The following MAN2C1 variants were observed in gnomAD, a reference collection of about 807,000 sequenced individuals.
MAN2C1 encodes the protein alpha-mannosidase 2C1.
Under a neutral mutation model 126.9 loss-of-function variants are expected in MAN2C1, and 111 were observed. The ratio of observed to expected loss-of-function variants is 0.87; its 90% CI spans 0.75 to 1.02. MAN2C1 has a LOEUF of 1.02. MAN2C1 is among the 50% of genes least tolerant of loss of function. The probability of loss-of-function intolerance (pLI) is 0.00; values close to 1 mark genes in which losing one functional copy is unlikely to be tolerated. For missense variants in MAN2C1, 1,363 were observed against 1,364.4 expected (o/e 1.00, Z 0.02); for synonymous variants, 567 against 561.5 (o/e 1.01, Z -0.14).
Position 75,361,270 on chromosome 15 carries a change from C to G in MAN2C1, c.1314+16G>C. ...TCCAGCCTGCCCCTACCCCACCACC[C>G]TAGGTGACCCCTCACCTCCTCCACG... On this transcript the variant is annotated intron_variant, in intron 11 of 25. Coordinates refer to ENST00000267978, the MANE Select transcript of MAN2C1 (RefSeq NM_006715.4). The surrounding 1 kb of genome is among the most constrained non-coding windows in gnomAD (Gnocchi z 5.0). The G allele has an allele frequency of 1.3e-6, 2 of 1,575,726 alleles. No individual in the cohort carries two copies. The highest frequency in any genetic ancestry group is 2.3e-5 in the South Asian group (2 of 86,350).
chr15:75,356,424 GA>G lies in MAN2C1; in HGVS notation c.2762del (p.Ile921ThrfsTer7), dbSNP rs893683586. 7 of 1,606,378 alleles carry G rather than the reference GA, an allele frequency of 4.4e-6. No homozygotes were observed. The highest frequency in any genetic ancestry group is 5.9e-6 in the Non-Finnish European group (7 of 1,177,144). On this transcript the variant is annotated frameshift_variant, in exon 24 of 26. Transcript: ENST00000267978. LOFTEE classifies it high-confidence loss of function. This position sits in a 1 kb window ranked among gnomAD's most constrained non-coding sequence, Gnocchi z 5.8. The part of the protein sequence containing the change: ...HKGSFQDAGV[I>X]QAAYSLNFPL... ...GGAAGTTTAGGCTGTAGGCAGCTTG[GA>G]TAACGCCAGCATCCTGGAAAGAGCC...
In MAN2C1 at chr15:75,360,546, C is replaced by G; in HGVS notation, c.1584+19G>C. 1 of 1,612,674 alleles carries G rather than the reference C, an allele frequency of 6.2e-7. No individual in the cohort carries two copies. The highest frequency in any genetic ancestry group is 2.2e-5 in the East Asian group (1 of 44,874). ...CAAGGGCACACCCTCCCTGCACAGC[C>G]CTGCAACCTCCCCCTGACCTGGGCA... On this transcript the variant is annotated intron_variant, in intron 13 of 25. Coordinates refer to ENST00000267978, the MANE Select transcript of MAN2C1 (RefSeq NM_006715.4).
intron 3 of MAN2C1, among the ~76,000 whole-genome samples, 174 bp downstream of exon 3, chr15:75,367,337 T>C (rs2072594997): frequency 6.6e-6 from 1 of 152,192 alleles, no homozygotes; most frequent in South Asian, 2.1e-4. Context: ...CAATAAAAAC[T>C]AAGGACCAAT....
At chr15:75,358,840 C>T in intron 18 of MAN2C1, 32 bp from the exon 19 acceptor site, 1 of 1,559,262 alleles carries the variant, frequency 6.4e-7, no homozygotes, top group Non-Finnish European at 8.8e-7. Context: ...GCTGTACAAC[C>T]AACTGACCTC....
chr15:75,360,498 G>A, intron 13 of MAN2C1, 67 bp downstream of exon 13: 1 of 1,589,424 alleles, frequency 6.3e-7, no homozygotes, highest in East Asian at 2.3e-5. Context: ...GTCCCCTGCT[G>A]CCTTCTCTGA....
chr15:75,367,409 G>T, intron 3 of MAN2C1, 102 bp downstream of exon 3: 1 of 1,464,760 alleles, frequency 6.8e-7, no homozygotes. Flanking sequence ...CCTGTGGGCA[G>T]AGCAACTCAG....
At chr15:75,367,799 G>T in intron 2 of MAN2C1, 165 bp from the exon 3 acceptor site, 1 of 964,276 alleles carries the variant, frequency 1.0e-6, no homozygotes. Context: ...GAAGCAAGAT[G>T]AGGGAAACAG....
At chr15:75,366,403 T>G in intron 4 of MAN2C1, 119 bp downstream of exon 4, 2 of 778,692 alleles carry the variant, frequency 2.6e-6, no homozygotes, top group Non-Finnish European at 4.2e-6. Context: ...CAATGAGATG[T>G]GAGGATGATT....
intron 4 of MAN2C1, 71 bp downstream of exon 4, chr15:75,366,451 G>GCCT: frequency 7.6e-7 from 1 of 1,314,716 alleles, no homozygotes; most frequent in Admixed American, 1.8e-5. Flanking sequence ...ATCACTCTGG[G>GCCT]CCTCAGCTCC....
At position 75,360,323 on chromosome 15, in the gene MAN2C1, A is replaced by G. The variant is rs2072441004; in HGVS notation, c.1585-112T>C. 2.0e-6 allele frequency: 3 copies of G among 1,474,554 alleles called. No homozygotes were observed. The African/African-American group carries it at 4.2e-5, about 20-fold the overall frequency. 91.3% of individuals were successfully genotyped at this position (1,474,554 alleles called of 1,614,324 possible). ...AGGACTCACCAAGGGCCTCGTGGAG[A>G]AGGCCTCTGGCGGGTGACCTGCCTT... is the stretch of plus-strand genomic sequence containing the variant. On this transcript the variant is annotated intron_variant, in intron 13 of 25. Transcript: ENST00000267978.
rs148467582 is a variant in MAN2C1 at position 75,358,563 on chromosome 15, G to A, written c.2302C>T (p.Arg768Trp). The stretch of plus-strand genomic sequence containing the variant: ...TGTAGCAAGAACCAGGCGCTGCCCC[G>A]CAGGCCGCCCTCGGTGCCCACTGCC... Reference protein sequence around the residue: ...TLAVGTEGGLRGSAWFLLQIS... With the variant: ...TLAVGTEGGLWGSAWFLLQIS... The change falls in exon 20 of 26, where the codon CGG (arginine) becomes TGG (tryptophan). Residue 768 changes from arginine to tryptophan, a missense_variant. By Grantham distance (101) the Arg-to-Trp change is moderately radical. Around this residue, in one of 3 missense-constraint regions of MAN2C1, gnomAD observed 668 missense variants for 650.1 expected, o/e 1.03. Transcript: ENST00000267978. The A allele has an allele frequency of 1.2e-4, 194 of 1,613,388 alleles. No individual in the cohort carries two copies. Among genetic ancestry groups the A allele is most frequent in the Non-Finnish European group, 1.6e-4 (184 of 1,180,012 alleles).
rs1567290067 is a variant in MAN2C1 at position 75,368,082 on chromosome 15, A to C, written c.218T>G (p.Phe73Cys). 1 of 1,607,250 alleles carries C rather than the reference A, an allele frequency of 6.2e-7. No homozygotes were observed. The highest frequency in any genetic ancestry group is 8.5e-7 in the Non-Finnish European group (1 of 1,177,928). ...GCTGGGCGTTACCTACGTGGGTCCG[A>C]AGCTGTCGCCGACCTGCGCGGGGCG... ...DFRPAQVGDS[F>C]GPTWWTCWFR... The change falls in exon 2 of 26, where the codon TTC becomes TGC. Residue 73 changes from phenylalanine (F) to cysteine (C), a missense_variant. Physicochemically the swap from Phe to Cys is radical, Grantham distance 205. Coordinates refer to ENST00000267978, the MANE Select transcript of MAN2C1 (RefSeq NM_006715.4).
At position 75,362,955 on chromosome 15, in the gene MAN2C1, C is replaced by T. The variant is rs930677937; in HGVS notation, c.791-207G>A. ...AAAGGAGGCGGCAGTGCTATGAGGCCAATTATACAGGTCAGGAAATGGAGG... is the reference window on the plus strand; with the variant it reads ...AAAGGAGGCGGCAGTGCTATGAGGCTAATTATACAGGTCAGGAAATGGAGG... On this transcript the variant is annotated intron_variant, in intron 6 of 25. Coordinates refer to ENST00000267978, the MANE Select transcript of MAN2C1 (RefSeq NM_006715.4). The surrounding 1 kb of genome is among the most constrained non-coding windows in gnomAD (Gnocchi z 4.5). 9 of 572,008 alleles carry T rather than the reference C, an allele frequency of 1.6e-5. No individual in the cohort carries two copies. Among genetic ancestry groups the T allele is most frequent in the African/African-American group, 1.5e-4 (8 of 53,138 alleles). The allele number at this position is 572,008 out of a possible 1,614,324, so 35.4% of individuals were successfully genotyped here. A position where few individuals can be genotyped will look rare whatever the true frequency, so the allele number is the denominator to read the frequency against.
In MAN2C1 at chr15:75,361,445, C is replaced by A; in HGVS notation, c.1219-64G>T. On this transcript the variant is annotated intron_variant, in intron 10 of 25. Transcript: ENST00000267978. This position sits in a 1 kb window ranked among gnomAD's most constrained non-coding sequence, Gnocchi z 5.0. Reference sequence around the variant, plus strand: ...AGTCAGGGCTGAGGCAGAGCCAGGCCTTCCAGACTTGGTCCTGCCCCTGCC... The same window carrying A: ...AGTCAGGGCTGAGGCAGAGCCAGGCATTCCAGACTTGGTCCTGCCCCTGCC... The A allele has an allele frequency of 1.4e-6, 2 of 1,395,460 alleles. No individual in the cohort carries two copies. The highest frequency in any genetic ancestry group is 2.0e-6 in the Non-Finnish European group (2 of 990,210). 86.4% of individuals were successfully genotyped at this position (1,395,460 alleles called of 1,614,324 possible).
chr15:75,364,064 A>AAGAACCTGGAGGCC lies in MAN2C1; in HGVS notation c.711_724dup (p.Phe242TrpfsTer37), dbSNP rs760229762. 6.2e-7 allele frequency: 1 copy of AAGAACCTGGAGGCC among 1,614,146 alleles called. No homozygotes were observed. Among genetic ancestry groups the AAGAACCTGGAGGCC allele is most frequent in the South Asian group, 1.1e-5 (1 of 91,082 alleles). ...TTGGCTTTCACCCCCATGTTGGCCAAAGAACCTGGAGGCCAGGGCCTGGGC... is the reference window on the plus strand; with the variant it reads ...TTGGCTTTCACCCCCATGTTGGCCAAAGAACCTGGAGGCCAGAACCTGGAGGCCAGGGCCTGGGC... On this transcript the variant is annotated frameshift_variant, in exon 6 of 26. Coordinates refer to ENST00000267978, the MANE Select transcript of MAN2C1 (RefSeq NM_006715.4). LOFTEE classifies it high-confidence loss of function.
chr15:75,367,383 G>A, intron 3 of MAN2C1, 128 bp downstream of exon 3: 1 of 1,280,162 alleles, frequency 7.8e-7, no homozygotes, highest in Non-Finnish European at 1.1e-6. Context: ...CCCTAGTCCT[G>A]AAATCCTGAT....
At chr15:75,367,155 T>C (rs935985982) in intron 3 of MAN2C1, among the ~76,000 whole-genome samples, 8 of 151,844 alleles carry the variant, frequency 5.3e-5, no homozygotes, top group African/African-American at 1.9e-4. Context: ...AATTTGTAAA[T>C]GGGTATAAAG....
In MAN2C1 at chr15:75,361,368, A is replaced by T. The variant is rs2072465220; in HGVS notation, c.1232T>A (p.Phe411Tyr). The change falls in exon 11 of 26, where the codon TTC becomes TAC. Residue 411 changes from phenylalanine (F) to tyrosine (Y), a missense_variant. Physicochemically the swap from Phe to Tyr is conservative, Grantham distance 22. Transcript: ENST00000267978. The surrounding 1 kb of genome is among the most constrained non-coding windows in gnomAD (Gnocchi z 5.0). ...LVNSFPHHTFFWEGLDGSRVL... is the reference protein window; with the variant it reads ...LVNSFPHHTFYWEGLDGSRVL... ...ACGGGAGCCATCCAGGCCCTCCCAG[A>T]AAAATGTATGGTGCTACCAGCAGGG... 2 of 1,563,934 alleles carry T rather than the reference A, an allele frequency of 1.3e-6. No homozygotes were observed. Among genetic ancestry groups the T allele is most frequent in the Admixed American group, 1.9e-5 (1 of 51,876 alleles).
rs746948219 is a variant in MAN2C1, at chr15:75,356,100, C to T, written c.2996+10G>A. 1.3e-5 allele frequency: 21 copies of T among 1,613,748 alleles called. No homozygotes were observed. Among genetic ancestry groups the T allele is most frequent in the South Asian group, 7.7e-5 (7 of 91,068 alleles). ...CTCGACCCCCGCCCCAATCCCACACCGCCACTCACAGGATGGCCTCCTGAA... is the reference window on the plus strand; with the variant it reads ...CTCGACCCCCGCCCCAATCCCACACTGCCACTCACAGGATGGCCTCCTGAA... On this transcript the variant is annotated intron_variant, in intron 25 of 25. Transcript: ENST00000267978. The surrounding 1 kb of genome is among the most constrained non-coding windows in gnomAD (Gnocchi z 5.8).
Sources: allele counts gnomAD v4.1 joint callset (sites outside exome capture counted in the v4.1 genomes callset), GRCh38; gene constraint gnomAD v4.1.1; regional missense constraint gnomAD v4.1.1; non-coding constraint Gnocchi (gnomAD v3.1); transcripts MANE v1.5; gene names NCBI Gene and HGNC (gene_info 2026-07-23, HGNC 2026-07-21).